The following SLC4A10 variants were observed in gnomAD, a reference collection of about 807,000 sequenced individuals.
The protein encoded by SLC4A10 is sodium-driven chloride bicarbonate exchanger.
A neutral mutation model predicts 137.7 loss-of-function variants in SLC4A10; 42 were observed. The observed-to-expected ratio is 0.30, with a 90% CI of 0.24 to 0.39. SLC4A10 has a LOEUF of 0.39. SLC4A10 is among the 10% of genes least tolerant of loss of function. The pLI is 1.00. For missense variants in SLC4A10, 925 were observed against 1,355.0 expected (o/e 0.68, Z 4.98); for synonymous variants, 474 against 464.1 (o/e 1.02, Z -0.27).
intron 1 of SLC4A10, among the ~76,000 whole-genome samples, chr2:161,711,999 A>G (rs2125065818): frequency 6.6e-6 from 1 of 151,974 alleles, no homozygotes; most frequent in Non-Finnish European, 1.5e-5. Flanking sequence ...TGGATGGGCT[A>G]TTGGCAAGAC....
chr2:161,866,253 G>T (rs1575356857), intron 6 of SLC4A10, among the ~76,000 whole-genome samples: 2 of 152,052 alleles, frequency 1.3e-5, no homozygotes, highest in Middle Eastern at 6.8e-3. Flanking sequence ...TTCAAACGGG[G>T]TCTTCCCCAT....
At chr2:161,837,724 G>A (rs2058906683) in intron 3 of SLC4A10, among the ~76,000 whole-genome samples, 1 of 152,162 alleles carries the variant, frequency 6.6e-6, no homozygotes, top group Non-Finnish European at 1.5e-5. Flanking sequence ...AAAAAGTGTG[G>A]TATTGTCAAA....
At chr2:161,789,022 T>C (rs562077175) in intron 2 of SLC4A10, among the ~76,000 whole-genome samples, 1 of 152,094 alleles carries the variant, frequency 6.6e-6, no homozygotes, top group Non-Finnish European at 1.5e-5. Context: ...GGTTCTGAGG[T>C]ATGTTTGCAG....
At chr2:161,935,157 G>C (rs1691352192) in intron 15 of SLC4A10, among the ~76,000 whole-genome samples, 1 of 152,140 alleles carries the variant, frequency 6.6e-6, no homozygotes, top group Non-Finnish European at 1.5e-5. Context: ...TTTCCCCACT[G>C]TGTGCTCTCA....
intron 1 of SLC4A10, among the ~76,000 whole-genome samples, chr2:161,755,441 TC>T (rs2049506435): frequency 1.3e-5 from 2 of 152,292 alleles, no homozygotes; most frequent in South Asian, 4.1e-4. Flanking sequence ...AGTTGAGTTT[TC>T]TCATCTTTAA....
chr2:161,929,380 T>A (rs1689891992), intron 15 of SLC4A10, among the ~76,000 whole-genome samples: 1 of 152,256 alleles, frequency 6.6e-6, no homozygotes, highest in Admixed American at 6.5e-5. Context: ...AAATCAGAAT[T>A]ATAGGACTAT....
At chr2:161,961,612 C>T (rs1216110416) in intron 21 of SLC4A10, among the ~76,000 whole-genome samples, 1 of 148,548 alleles carries the variant, frequency 6.7e-6, no homozygotes, top group Non-Finnish European at 1.5e-5. Context: ...AAGTGAAAAG[C>T]ATTTATTATT....
chr2:161,698,577 G>C (rs1014711253), intron 1 of SLC4A10, among the ~76,000 whole-genome samples: 3 of 152,142 alleles, frequency 2.0e-5, no homozygotes, highest in Admixed American at 1.3e-4. Flanking sequence ...TGAGGTTTTT[G>C]TTGTTGGTTC....
At chr2:161,685,238 C>A (rs1450269174) in intron 1 of SLC4A10, among the ~76,000 whole-genome samples, 2 of 152,102 alleles carry the variant, frequency 1.3e-5, no homozygotes, top group African/African-American at 4.8e-5. Flanking sequence ...GCTCTAGACC[C>A]TGGGCTAAGT....
In SLC4A10 at chr2:161,629,226, G is replaced by C. The variant is rs189499010; in HGVS notation, c.48+4660G>C. ...AATCTATATAGTAAATATTAGTTAA[G>C]TTTTATGTTTTATTTTTAGGTAAAA... On this transcript the variant is annotated intron_variant, in intron 1 of 26. Coordinates refer to ENST00000446997, the MANE Select transcript of SLC4A10 (RefSeq NM_001178015.2). Among the ~76,000 whole-genome samples the C allele has an allele frequency of 5.6e-4, 84 of 151,322 alleles. 1 individual carries two copies. In the Middle Eastern group the frequency reaches 0.014, roughly 25 times the overall value.
chr2:161,629,424 A>G (rs1416277221), intron 1 of SLC4A10, among the ~76,000 whole-genome samples: 2 of 151,254 alleles, frequency 1.3e-5, no homozygotes, highest in Non-Finnish European at 3.0e-5. Context: ...TTTGAGAGCG[A>G]TATAGGTTCG....
At chr2:161,855,226 A>C in intron 5 of SLC4A10, 96 bp downstream of exon 5, 3 of 1,183,918 alleles carry the variant, frequency 2.5e-6, no homozygotes, top group Non-Finnish European at 2.3e-6. Context: ...ACTTTGGAAA[A>C]CTAATTCTCA....
At chr2:161,770,846 A>G in intron 1 of SLC4A10, 127 bp from the exon 2 acceptor site, 1 of 603,710 alleles carries the variant, frequency 1.7e-6, no homozygotes, top group South Asian at 2.3e-5. Context: ...CAAATAGACT[A>G]CTCATGAACA....
rs1266601032 is a variant in SLC4A10, at chr2:161,942,742, A to C, written c.1998-50A>C. On this transcript the variant is annotated intron_variant, in intron 15 of 26. Transcript: ENST00000446997. ...GCCGTTATACATTAGTCTTCGGTAC[A>C]GTCACAAAAAGCTACTTATTTCACA... The C allele has an allele frequency of 6.4e-6, 9 of 1,396,464 alleles. No homozygotes were observed. In the Admixed American group the frequency reaches 1.6e-4, roughly 24 times the overall value. 86.5% of individuals were successfully genotyped at this position (1,396,464 alleles called of 1,614,324 possible).
chr2:161,722,727 C>T (rs2045818713), intron 1 of SLC4A10, among the ~76,000 whole-genome samples: 1 of 152,202 alleles, frequency 6.6e-6, no homozygotes, highest in Non-Finnish European at 1.5e-5. Flanking sequence ...TGGGGAAAAT[C>T]CCCTTTGTCT....
intron 3 of SLC4A10, among the ~76,000 whole-genome samples, chr2:161,837,882 C>T (rs2058915935): frequency 6.6e-6 from 1 of 152,072 alleles, no homozygotes; most frequent in Non-Finnish European, 1.5e-5. Flanking sequence ...GGGATTAGTG[C>T]CCTTATAAAA....
chr2:161,704,539 T>G (rs1471086848), intron 1 of SLC4A10, among the ~76,000 whole-genome samples: 1 of 151,628 alleles, frequency 6.6e-6, no homozygotes, highest in African/African-American at 2.4e-5. Context: ...TCTATTTTTA[T>G]GAAAAACAAT....
chr2:161,780,162 G>A (rs2052842066), intron 2 of SLC4A10, among the ~76,000 whole-genome samples: 1 of 151,942 alleles, frequency 6.6e-6, no homozygotes, highest in South Asian at 2.1e-4. Context: ...ATAGCACAGT[G>A]GAGTGTGAAT....
chr2:161,865,452 C>G (rs182138688), intron 6 of SLC4A10, among the ~76,000 whole-genome samples: 2 of 152,070 alleles, frequency 1.3e-5, no homozygotes, highest in East Asian at 3.9e-4. Flanking sequence ...TGAACACATA[C>G]AAATCTTTTC....
Sources: allele counts gnomAD v4.1 joint callset (sites outside exome capture counted in the v4.1 genomes callset), GRCh38; gene constraint gnomAD v4.1.1; transcripts MANE v1.5; gene names NCBI Gene and HGNC (gene_info 2026-07-23, HGNC 2026-07-21).